IQCE: variants seen among roughly 807,000 people sequenced by gnomAD.
IQCE encodes IQ motif containing E.
A neutral mutation model predicts 96.0 loss-of-function variants in IQCE; 115 were observed. The observed-to-expected ratio is 1.20, with a 90% CI of 1.03 to 1.40. The LOEUF (loss-of-function observed/expected upper bound fraction) is 1.40. Ranked by LOEUF, IQCE falls within the 40% of genes most tolerant of loss-of-function variation. IQCE has a pLI of 0.00. For synonymous variants in IQCE, 412 were observed against 371.2 expected (o/e 1.11, Z -1.26); for missense variants, 1,041 against 909.1 (o/e 1.15, Z -1.87).
rs1784223437 is a variant in IQCE at position 2,598,567 on chromosome 7, T to C, written c.1543T>C (p.Ser515Pro). ...EGLPRPRSPC[S>P]DGRRDAAARV... is the part of the protein sequence containing the mutation. Reference sequence around the variant, plus strand: ...GCTCCCGCGGCCCCGCTCCCCCTGCTCTGATGGGAGAAGAGACGCCGCGGC... The same window carrying C: ...GCTCCCGCGGCCCCGCTCCCCCTGCCCTGATGGGAGAAGAGACGCCGCGGC... Residue 515 changes from serine to proline, a missense_variant, in exon 17 of 22, where the codon TCT becomes CCT. Coordinates refer to ENST00000402050, the MANE Select transcript of IQCE (RefSeq NM_152558.5). 1.2e-6 allele frequency: 2 copies of C among 1,609,994 alleles called. No individual in the cohort carries two copies. Among genetic ancestry groups the C allele is most frequent in the Non-Finnish European group, 1.7e-6 (2 of 1,178,400 alleles).
chr7:2,574,733 G>T (rs574657608), intron 6 of IQCE, among the ~76,000 whole-genome samples: 1 of 152,304 alleles, frequency 6.6e-6, no homozygotes, highest in East Asian at 1.9e-4. Flanking sequence ...TGCCCTCTTT[G>T]GTTACGGCTG....
intron 11 of IQCE, 34 bp from the exon 12 acceptor site, chr7:2,586,174 A>T: frequency 1.9e-6 from 3 of 1,596,940 alleles, no homozygotes; most frequent in Non-Finnish European, 2.6e-6. Context: ...CAGCTTAGCA[A>T]TGCAAACCTC....
Position 2,595,117 on chromosome 7 carries a change from A to C in IQCE, c.1440+141A>C, listed in dbSNP as rs566602436. The C allele has an allele frequency of 1.4e-3, 916 of 663,960 alleles. 4 individuals are homozygous for C. Among genetic ancestry groups the C allele is most frequent in the South Asian group, 2.8e-3 (163 of 58,150 alleles). The allele number at this position is 663,960 out of a possible 1,614,324, so 41.1% of individuals were successfully genotyped here. A position where few individuals can be genotyped will look rare whatever the true frequency, so the allele number is the denominator to read the frequency against. ...CCCTTTATCATCACCATTGATTTCTATAACTCATGTCGTGTGTATCGAAGT... is the reference window on the plus strand; with the variant it reads ...CCCTTTATCATCACCATTGATTTCTCTAACTCATGTCGTGTGTATCGAAGT... On this transcript the variant is annotated intron_variant, in intron 16 of 21. Coordinates refer to ENST00000402050, the MANE Select transcript of IQCE (RefSeq NM_152558.5).
chr7:2,582,745 C>A, intron 9 of IQCE, 95 bp downstream of exon 9: 1 of 1,077,640 alleles, frequency 9.3e-7, no homozygotes, highest in Non-Finnish European at 1.4e-6. Context: ...CGTCCTGTGT[C>A]CCTACTCCCA....
intron 12 of IQCE, among the ~76,000 whole-genome samples, chr7:2,586,775 G>A (rs1246223950): frequency 6.6e-6 from 1 of 152,208 alleles, no homozygotes; most frequent in Non-Finnish European, 1.5e-5. Context: ...TGGAAGGGGC[G>A]AGATAGCCAT....
chr7:2,597,498 C>T (rs1337436322), intron 16 of IQCE, among the ~76,000 whole-genome samples: 1 of 152,232 alleles, frequency 6.6e-6, no homozygotes. Flanking sequence ...CGCCTGGCGC[C>T]TGGCCCGGTG....
rs751703419 is a variant in IQCE at position 2,568,967 on chromosome 7, A to G, written c.98A>G (p.Lys33Arg). 6.2e-7 allele frequency: 1 copy of G among 1,613,652 alleles called. No individual in the cohort carries two copies. Among genetic ancestry groups the G allele is most frequent in the Admixed American group, 1.7e-5 (1 of 60,016 alleles). Residue 33 changes from lysine (K) to arginine (R), a missense_variant, in exon 3 of 22, where the codon AAA becomes AGA. Coordinates refer to ENST00000402050, the MANE Select transcript of IQCE (RefSeq NM_152558.5). ...DSDVETKAKRKAFHKPPPTSP... is the reference protein window; with the variant it reads ...DSDVETKAKRRAFHKPPPTSP... ...TCTTTCTTTCAGAAAGCAAAAAGGA[A>G]AGCTTTCCACAAACCTCCACCCACA...
At chr7:2,607,581 A>T (rs1371774351) in intron 21 of IQCE, 103 of 1,223,130 alleles carry the variant, frequency 8.4e-5, no homozygotes, top group Non-Finnish European at 1.0e-4. Flanking sequence ...TTAAAGTCCA[A>T]AAACAGTCAG....
chr7:2,578,839 T>A (rs868622778), intron 8 of IQCE, among the ~76,000 whole-genome samples: 3 of 152,124 alleles, frequency 2.0e-5, no homozygotes, highest in Non-Finnish European at 1.5e-5. Flanking sequence ...GGCAGGCAGA[T>A]CACTTGAGGT....
intron 20 of IQCE, 133 bp from the exon 21 acceptor site, chr7:2,606,991 G>A (rs974473856): frequency 2.5e-6 from 2 of 785,430 alleles, no homozygotes; most frequent in Non-Finnish European, 3.9e-6. Context: ...TGGTCGTGGG[G>A]CTCGGGACTG....
intron 3 of IQCE, among the ~76,000 whole-genome samples, chr7:2,570,603 T>G (rs1020606429): frequency 6.6e-6 from 1 of 152,098 alleles, no homozygotes; most frequent in Non-Finnish European, 1.5e-5. Context: ...ATTTTGAACA[T>G]ATTAGACTTA....
At position 2,605,933 on chromosome 7, in the gene IQCE, CAGG is replaced by C. The variant is rs1784787173; in HGVS notation, c.1808_1810del (p.Glu603del). On this transcript the variant is annotated inframe_deletion, in exon 20 of 22. Coordinates refer to ENST00000402050, the MANE Select transcript of IQCE (RefSeq NM_152558.5). ...CGCCCAGGCCACGGGCAGCCCTGTG[CAGG>C]AGGAGGCCATCGTCATCATCCAGTC... The C allele has an allele frequency of 6.2e-7, 1 of 1,611,346 alleles. No individual in the cohort carries two copies. The highest frequency in any genetic ancestry group is 8.5e-7 in the Non-Finnish European group (1 of 1,179,304).
intron 8 of IQCE, among the ~76,000 whole-genome samples, chr7:2,579,700 G>GGTGTGTGTGTGT (rs68086038): frequency 7.5e-6 from 1 of 133,080 alleles, no homozygotes; most frequent in African/African-American, 2.9e-5. Flanking sequence ...TTGTTCTGGT[G>GGTGTGTGTGTGT]GTGTGTGTGT....
intron 18 of IQCE, 132 bp from the exon 19 acceptor site, chr7:2,604,749 G>A (rs916742664): frequency 3.8e-5 from 24 of 636,912 alleles, no homozygotes; most frequent in South Asian, 3.0e-4. Context: ...TTGAGAGAAC[G>A]TGGCTGCACA....
At chr7:2,610,020 T>A in intron 21 of IQCE, 24 bp from the exon 22 acceptor site, 1 of 1,347,072 alleles carries the variant, frequency 7.4e-7, no homozygotes, top group Non-Finnish European at 1.1e-6. Context: ...GGCTGACCCC[T>A]CTCCCTGTGG....
At chr7:2,568,043 C>CA (rs1393748981) in intron 2 of IQCE, among the ~76,000 whole-genome samples, 1 of 152,156 alleles carries the variant, frequency 6.6e-6, no homozygotes, top group Non-Finnish European at 1.5e-5. Context: ...CGGTCTAGTG[C>CA]AAGGTGATGA....
intron 6 of IQCE, among the ~76,000 whole-genome samples, chr7:2,574,885 T>C (rs1782004673): frequency 6.6e-6 from 1 of 152,178 alleles, no homozygotes; most frequent in Non-Finnish European, 1.5e-5. Context: ...GTTTGTTGGG[T>C]GTAACCTTAC....
intron 1 of IQCE, among the ~76,000 whole-genome samples, chr7:2,563,364 T>C (rs960044699): frequency 2.8e-5 from 4 of 144,834 alleles, no homozygotes; most frequent in Admixed American, 7.0e-5. Context: ...GCCCAGCTAA[T>C]TAATTTTTTG....
rs143064929 is a variant in IQCE, at chr7:2,561,267, T to C, written c.36+2050T>C. Among the ~76,000 whole-genome samples, 274 of 152,158 alleles carry C rather than the reference T, an allele frequency of 1.8e-3. 1 individual carries two copies. The highest frequency in any genetic ancestry group is 6.3e-3 in the African/African-American group (260 of 41,522). On this transcript the variant is annotated intron_variant, in intron 1 of 21. Coordinates refer to ENST00000402050, the MANE Select transcript of IQCE (RefSeq NM_152558.5). ...GCCATTGCTCCCAGCCCTATGTAGA[T>C]CTTTGATTTCTTTCAGCAATGGTTT...
Sources: allele counts gnomAD v4.1 joint callset (sites outside exome capture counted in the v4.1 genomes callset), GRCh38; gene constraint gnomAD v4.1.1; transcripts MANE v1.5; gene names NCBI Gene and HGNC (gene_info 2026-07-23, HGNC 2026-07-21).